The following TRPS1 variants were observed in gnomAD, a reference collection of about 807,000 sequenced individuals.
TRPS1 encodes the protein transcriptional repressor GATA binding 1.
A neutral mutation model predicts 101.2 loss-of-function variants in TRPS1; 6 were observed. The ratio of observed to expected loss-of-function variants is 0.06; its 90% CI spans 0.03 to 0.12. The LOEUF (loss-of-function observed/expected upper bound fraction) is 0.12. Among genes scored for constraint, TRPS1 ranks in the 10% least tolerant of loss-of-function variants. TRPS1 has a pLI of 1.00. For missense variants in TRPS1, 1,363 were observed against 1,567.0 expected (o/e 0.87, Z 2.20); for synonymous variants, 578 against 589.8 (o/e 0.98, Z 0.29).
intron 1 of TRPS1, among the ~76,000 whole-genome samples, chr8:115,625,634 A>G (rs898795537): frequency 3.9e-5 from 6 of 151,948 alleles, no homozygotes; most frequent in Non-Finnish European, 8.8e-5. Context: ...TAATTTAAGA[A>G]AGAAAGATAT....
intron 5 of TRPS1, among the ~76,000 whole-genome samples, chr8:115,445,809 T>G (rs1203165874): frequency 6.6e-6 from 1 of 152,190 alleles, no homozygotes; most frequent in Non-Finnish European, 1.5e-5. Flanking sequence ...ACCTTATTGT[T>G]GTACTGTCAC....
chr8:115,625,172 A>G (rs1253583418), intron 1 of TRPS1, among the ~76,000 whole-genome samples: 1 of 151,908 alleles, frequency 6.6e-6, no homozygotes, highest in Admixed American at 6.6e-5. Flanking sequence ...TATAAATTCT[A>G]TATTCTTTGT....
intron 5 of TRPS1, among the ~76,000 whole-genome samples, chr8:115,522,571 C>T (rs1176124630): frequency 6.6e-6 from 1 of 151,982 alleles, no homozygotes; most frequent in Non-Finnish European, 1.5e-5. Context: ...GAGGTGAGAG[C>T]TGACTCAGTT....
intron 3 of TRPS1, among the ~76,000 whole-genome samples, chr8:115,618,568 AAAT>A (rs1818319639): frequency 6.6e-6 from 1 of 152,208 alleles, no homozygotes; most frequent in African/African-American, 2.4e-5. Flanking sequence ...CTAATACTTA[AAAT>A]AACATTTACT....
rs546436431 is a variant in TRPS1 at position 115,478,372 on chromosome 8, C to G, written c.2701-59920G>C. On this transcript the variant is annotated intron_variant, in intron 5 of 6. Coordinates refer to ENST00000395715, the MANE Select transcript of TRPS1 (RefSeq NM_014112.5). ...TTTTTTCAAAAAACAATTTTAAACA[C>G]ATAGTAAATTGAATCATAAAACCTA... 3.1e-4 allele frequency among the ~76,000 whole-genome samples: 47 copies of G among 152,252 alleles called. No homozygotes were observed. In the South Asian group the frequency reaches 7.0e-3, roughly 23 times the overall value.
rs765794064 is a variant in TRPS1, at chr8:115,619,848, T to G, written c.250A>C (p.Ser84Arg). 1.2e-6 allele frequency: 2 copies of G among 1,614,112 alleles called. No individual in the cohort carries two copies. The change falls in exon 3 of 7, where the codon AGT (serine) becomes CGT (arginine). Residue 84 changes from serine to arginine, a missense_variant. This residue lies in a region of TRPS1 where 1,020 missense variants were observed against 1,073.0 expected (regional missense o/e 0.95). Transcript: ENST00000395715. ...SLHVQDPSSS[S>R]KKDLKSAVLS... ...ACTGCGCTTTTCAAGTCCTTCTTAC[T>G]GCTAGAAGATGGATCTTGAACATGC...
In TRPS1 at chr8:115,483,217, G is replaced by A. The variant is rs910336839; in HGVS notation, c.2701-64765C>T. ...TTAGAATGTTCTAGGCATCACCTTA[G>A]ATTCTTTGCTTATGCCTTTTTAATT... On this transcript the variant is annotated intron_variant, in intron 5 of 6. Coordinates refer to ENST00000395715, the MANE Select transcript of TRPS1 (RefSeq NM_014112.5). Among the ~76,000 whole-genome samples, 20 of 152,202 alleles carry A rather than the reference G, an allele frequency of 1.3e-4. No individual in the cohort carries two copies. The Middle Eastern group carries it at 0.014, about 104-fold the overall frequency.
intron 5 of TRPS1, among the ~76,000 whole-genome samples, chr8:115,469,277 T>G (rs939942878): frequency 6.6e-6 from 1 of 152,212 alleles, no homozygotes; most frequent in Non-Finnish European, 1.5e-5. Context: ...ATCTGCAATA[T>G]GTTTGGCAGC....
At position 115,414,816 on chromosome 8, in the gene TRPS1, T is replaced by G. The variant is rs1812875042; in HGVS notation, c.3092A>C (p.Gln1031Pro). Residue 1031 changes from glutamine (Q) to proline (P), a missense_variant, in exon 7 of 7, where the codon CAG becomes CCG. Coordinates refer to ENST00000395715, the MANE Select transcript of TRPS1 (RefSeq NM_014112.5). The surrounding 1 kb of genome is among the most constrained non-coding windows in gnomAD (Gnocchi z 4.8). ...GSLTKSHSAQ[Q>P]PVLVSQTLDI... The stretch of plus-strand genomic sequence containing the variant: ...CAGAGTTTGGCTGACCAGGACTGGC[T>G]GCTGAGCAGAATGGCTTTTAGTCAA... 2 of 1,614,046 alleles carry G rather than the reference T, an allele frequency of 1.2e-6. No individual in the cohort carries two copies. Among genetic ancestry groups the G allele is most frequent in the Non-Finnish European group, 1.7e-6 (2 of 1,179,936 alleles).
At chr8:115,550,877 G>A (rs1816688706) in intron 5 of TRPS1, among the ~76,000 whole-genome samples, 1 of 152,160 alleles carries the variant, frequency 6.6e-6, no homozygotes, top group Non-Finnish European at 1.5e-5. Flanking sequence ...CCTTCAGTTG[G>A]AGGAAACCGA....
intron 5 of TRPS1, among the ~76,000 whole-genome samples, chr8:115,537,410 A>T (rs1393407932): frequency 2.0e-5 from 3 of 152,182 alleles, no homozygotes; most frequent in African/African-American, 7.2e-5. Context: ...CCTTACCTAC[A>T]GAGGACTATA....
At chr8:115,574,991 A>C (rs1817283888) in intron 5 of TRPS1, among the ~76,000 whole-genome samples, 1 of 152,144 alleles carries the variant, frequency 6.6e-6, no homozygotes, top group Non-Finnish European at 1.5e-5. Context: ...GCCAAGAAAT[A>C]ATACTGTTTT....
chr8:115,411,681 C>T lies in TRPS1; in HGVS notation c.*2342G>A, dbSNP rs527457128. ...AGCTCCTCATTCCACTTCTTTATTT[C>T]AGTTTATGTGAATATTAGAGCTACG... is the stretch of plus-strand genomic sequence containing the variant. On this transcript the variant is annotated 3_prime_UTR_variant, in exon 7 of 7. Transcript: ENST00000395715. 1 of 152,544 alleles carries T rather than the reference C, an allele frequency of 6.6e-6. No individual in the cohort carries two copies. The highest frequency in any genetic ancestry group is 2.1e-4 in the South Asian group (1 of 4,816). 9.4% of individuals were successfully genotyped at this position (152,544 alleles called of 1,614,324 possible).
intron 5 of TRPS1, among the ~76,000 whole-genome samples, chr8:115,464,705 A>G (rs1814274902): frequency 6.6e-6 from 1 of 152,122 alleles, no homozygotes; most frequent in Non-Finnish European, 1.5e-5. Context: ...TTACAGCTTT[A>G]TTCAAAACAC....
In TRPS1 at chr8:115,619,933, C is replaced by T. The variant is rs1818355593; in HGVS notation, c.165G>A (p.Met55Ile). 1 of 1,614,192 alleles carries T rather than the reference C, an allele frequency of 6.2e-7. No homozygotes were observed. Among genetic ancestry groups the T allele is most frequent in the Non-Finnish European group, 8.5e-7 (1 of 1,180,042 alleles). ...CATCACTCTGATCCGTATTTTCTGA[C>T]ATCTGATCTGCAGAAAATTCTTTGT... is the stretch of plus-strand genomic sequence containing the variant. ...GKNKEFSADQ[M>I]SENTDQSDAA... Residue 55 changes from methionine to isoleucine, a missense_variant, in exon 3 of 7, where the codon ATG (methionine) becomes ATA (isoleucine). Met to Ile is a conservative substitution (Grantham distance 10). This residue lies in a region of TRPS1 where 1,020 missense variants were observed against 1,073.0 expected (regional missense o/e 0.95). Transcript: ENST00000395715.
intron 5 of TRPS1, among the ~76,000 whole-genome samples, chr8:115,466,411 A>C (rs1814320124): frequency 6.6e-6 from 1 of 152,192 alleles, no homozygotes; most frequent in African/African-American, 2.4e-5. Context: ...CAAGTGCTTT[A>C]TTTCCTTTCC....
chr8:115,651,385 A>T (rs1283062208), intron 1 of TRPS1, among the ~76,000 whole-genome samples: 2 of 152,200 alleles, frequency 1.3e-5, no homozygotes, highest in African/African-American at 4.8e-5. Flanking sequence ...GCAAACATCA[A>T]GAAACATCTA....
chr8:115,428,792 T>C (rs1813250194), intron 5 of TRPS1, among the ~76,000 whole-genome samples: 2 of 152,174 alleles, frequency 1.3e-5, no homozygotes, highest in South Asian at 4.1e-4. Flanking sequence ...TATAAATCAT[T>C]AAAAATATTC....
At position 115,619,671 on chromosome 8, in the gene TRPS1, T is replaced by C; in HGVS notation, c.427A>G (p.Arg143Gly). 1.2e-6 allele frequency: 2 copies of C among 1,614,152 alleles called. No homozygotes were observed. The highest frequency in any genetic ancestry group is 8.5e-7 in the Non-Finnish European group (1 of 1,180,022). The change falls in exon 3 of 7, where the codon AGA becomes GGA. Residue 143 changes from arginine (R) to glycine (G), a missense_variant. Physicochemically the swap from Arg to Gly is moderately radical, Grantham distance 125. Around this residue, in one of 5 missense-constraint regions of TRPS1, gnomAD observed 1,020 missense variants for 1,073.0 expected, o/e 0.95. Transcript: ENST00000395715. The part of the protein sequence containing the change: ...GVCEPLKSPQ[R>G]AEADDPQDMA... ...TCTTGAGGGTCATCTGCCTCTGCTC[T>C]TTGCGGAGACTTCAAGGGCTCACAG...
Sources: gnomAD v4.1 joint callset for allele counts (sites outside exome capture counted in the v4.1 genomes callset) on GRCh38, gnomAD v4.1.1 for gene constraint, gnomAD v4.1.1 regional missense constraint, Gnocchi (gnomAD v3.1) non-coding constraint, MANE v1.5 for transcripts, NCBI Gene and HGNC (gene_info 2026-07-23, HGNC 2026-07-21) for gene names.